The following TXNDC16 variants were observed in gnomAD, a reference collection of about 807,000 sequenced individuals.
TXNDC16 encodes the protein thioredoxin domain-containing protein 16.
In TXNDC16, 74 loss-of-function variants were observed where a neutral mutation model predicts 85.6. That is an observed-to-expected ratio of 0.86 (90% confidence interval 0.72 to 1.05). The LOEUF is 1.05. Among genes scored for constraint, TXNDC16 ranks in the 50% least tolerant of loss-of-function variants. The pLI is 0.00. For missense variants in TXNDC16, 959 were observed against 947.0 expected, an observed-to-expected ratio of 1.01 and a Z score of -0.17; for synonymous variants, 335 against 326.5, an observed-to-expected ratio of 1.03 and a Z score of -0.28.
intron 6 of TXNDC16, among the ~76,000 whole-genome samples, chr14:52,536,326 A>AT (rs1261896839): frequency 6.6e-6 from 1 of 152,218 alleles, no homozygotes; most frequent in African/African-American, 2.4e-5. Flanking sequence ...CCCAGATTCC[A>AT]TAACTGTGAA....
At chr14:52,535,263 T>C (rs1244849301) in intron 6 of TXNDC16, among the ~76,000 whole-genome samples, 1 of 152,116 alleles carries the variant, frequency 6.6e-6, no homozygotes, top group Non-Finnish European at 1.5e-5. Context: ...TCAAGATAGC[T>C]ACCCCTCTGT....
At chr14:52,480,492 C>T (rs889461488) in intron 14 of TXNDC16, among the ~76,000 whole-genome samples, 5 of 151,666 alleles carry the variant, frequency 3.3e-5, no homozygotes, top group Non-Finnish European at 7.4e-5. Flanking sequence ...ACAAACAATC[C>T]CATCAAAAAG....
chr14:52,444,615 C>T (rs905223874), intron 18 of TXNDC16, among the ~76,000 whole-genome samples: 3 of 152,070 alleles, frequency 2.0e-5, no homozygotes, highest in Non-Finnish European at 4.4e-5. Flanking sequence ...TTTGTTGTTA[C>T]TGTAAACAGA....
At chr14:52,483,737 C>G (rs2036202115) in intron 12 of TXNDC16, among the ~76,000 whole-genome samples, 1 of 152,270 alleles carries the variant, frequency 6.6e-6, no homozygotes, top group Non-Finnish European at 1.5e-5. Flanking sequence ...ATAGACCAAT[C>G]AATAGACTGA....
At chr14:52,440,511 A>G in intron 19 of TXNDC16, 53 bp downstream of exon 19, 1 of 1,408,528 alleles carries the variant, frequency 7.1e-7, no homozygotes, top group Non-Finnish European at 9.4e-7. Flanking sequence ...TGAAAATGTA[A>G]TAATTATTAC....
chr14:52,513,627 T>C (rs1404300930), intron 8 of TXNDC16, among the ~76,000 whole-genome samples: 17 of 151,502 alleles, frequency 1.1e-4, no homozygotes, highest in Non-Finnish European at 1.8e-4. Flanking sequence ...GCCTTAGTCT[T>C]AGATCAGATA....
intron 9 of TXNDC16, among the ~76,000 whole-genome samples, chr14:52,509,283 C>G (rs1405773183): frequency 6.6e-6 from 1 of 151,968 alleles, no homozygotes; most frequent in Admixed American, 6.5e-5. Context: ...CTAATCTTAC[C>G]CCCGATGGTG....
In TXNDC16 at chr14:52,512,487, T is replaced by A. The variant is rs1245279426; in HGVS notation, c.606-1097A>T. Among the ~76,000 whole-genome samples, 4 of 152,098 alleles carry A rather than the reference T, an allele frequency of 2.6e-5. No homozygotes were observed. In the East Asian group the frequency reaches 7.7e-4, roughly 29 times the overall value. On this transcript the variant is annotated intron_variant, in intron 8 of 20. Transcript: ENST00000281741. ...ATTTCAAACAAAAGCTAAGATGCAA[T>A]GAAAGCATATAACTTGTTGAGGAGA... is the stretch of plus-strand genomic sequence containing the variant.
intron 9 of TXNDC16, among the ~76,000 whole-genome samples, chr14:52,510,380 C>G (rs918291300): frequency 6.6e-6 from 1 of 152,136 alleles, no homozygotes; most frequent in Non-Finnish European, 1.5e-5. Context: ...ATCAATAGTT[C>G]CATAATCCCT....
At chr14:52,466,374 C>T (rs1207824833) in intron 16 of TXNDC16, among the ~76,000 whole-genome samples, 5 of 83,164 alleles carry the variant, frequency 6.0e-5, no homozygotes, top group Middle Eastern at 0.029. Context: ...ACCCGGATGA[C>T]AGAACAAGAC....
chr14:52,529,808 C>T (rs2037447158), intron 6 of TXNDC16, among the ~76,000 whole-genome samples: 1 of 107,648 alleles, frequency 9.3e-6, no homozygotes, highest in Admixed American at 1.2e-4. Flanking sequence ...TTATATATGA[C>T]ACCTATTATA....
chr14:52,549,218 A>G (rs1076815), intron 1 of TXNDC16, among the ~76,000 whole-genome samples: 75,765 of 152,032 alleles, frequency 0.5, 19,602 homozygotes, highest in East Asian at 0.7. Context: ...ATCAGAGTTG[A>G]CATATAAGAT....
intron 6 of TXNDC16, among the ~76,000 whole-genome samples, chr14:52,520,553 T>A (rs991786323): frequency 2.0e-5 from 3 of 152,074 alleles, no homozygotes; most frequent in African/African-American, 7.2e-5. Context: ...GAGTTTGCAG[T>A]GAGCTGAGAT....
intron 14 of TXNDC16, among the ~76,000 whole-genome samples, chr14:52,470,938 C>T (rs1305345861): frequency 3.9e-5 from 6 of 152,140 alleles, no homozygotes; most frequent in Non-Finnish European, 8.8e-5. Context: ...TCAGCTTAAG[C>T]TGCCTTCTCT....
intron 9 of TXNDC16, among the ~76,000 whole-genome samples, chr14:52,507,402 G>T (rs9743510): frequency 6.0e-5 from 9 of 151,206 alleles, no homozygotes; most frequent in African/African-American, 2.2e-4. Flanking sequence ...CCACTGCTCA[G>T]TGAAATAAAA....
chr14:52,505,540 A>G (rs1460581415), intron 9 of TXNDC16, among the ~76,000 whole-genome samples: 1 of 152,248 alleles, frequency 6.6e-6, no homozygotes, highest in African/African-American at 2.4e-5. Context: ...ATGACATACC[A>G]GAATCTCTGG....
At chr14:52,485,882 A>G (rs2036257458) in intron 12 of TXNDC16, among the ~76,000 whole-genome samples, 1 of 152,222 alleles carries the variant, frequency 6.6e-6, no homozygotes, top group South Asian at 2.1e-4. Flanking sequence ...ACCATACAAT[A>G]AATTAAAATT....
At position 52,432,511 on chromosome 14, in the gene TXNDC16, A is replaced by G. The variant is rs2140095498; in HGVS notation, c.2271T>C (p.Ser757=). ...TGGGAACTTTCCTAGTGCCACGTTG[A>G]GATGTTGCGGCATCTATCATACTTA... The part of the protein sequence containing the change: ...DFLSMIDAAT[S]QRGTRKVPKC... The change falls in exon 21 of 21, where the codon TCT becomes TCC. Residue 757 remains serine, a synonymous_variant. Transcript: ENST00000281741. The G allele has an allele frequency of 6.2e-7, 1 of 1,613,950 alleles. No individual in the cohort carries two copies.
intron 6 of TXNDC16, among the ~76,000 whole-genome samples, chr14:52,531,205 C>A (rs531491717): frequency 6.6e-6 from 1 of 152,250 alleles, no homozygotes. Flanking sequence ...CAGGAACTTT[C>A]ATTCATTGCT....
Sources: gnomAD v4.1 joint callset for allele counts (sites outside exome capture counted in the v4.1 genomes callset) on GRCh38, gnomAD v4.1.1 for gene constraint, MANE v1.5 for transcripts, NCBI Gene and HGNC (gene_info 2026-07-23, HGNC 2026-07-21) for gene names.